Variants in ZNF277 observed in about 807,000 individuals in gnomAD.
ZNF277 encodes nuclear receptor-interacting factor 4.
In ZNF277, 55 loss-of-function variants were observed where a neutral mutation model predicts 60.7. The ratio of observed to expected loss-of-function variants is 0.91; its 90% CI spans 0.73 to 1.13. The LOEUF (loss-of-function observed/expected upper bound fraction) is 1.13, where lower values mean the gene tolerates loss of function less well. ZNF277 is among the 50% of genes most tolerant of loss of function. The pLI is 0.00. For synonymous variants in ZNF277, 178 were observed against 179.3 expected (o/e 0.99, Z 0.06); for missense variants, 510 against 523.0 (o/e 0.98, Z 0.24).
In ZNF277 at chr7:112,206,721, C is replaced by A. The variant is rs1407742164; in HGVS notation, c.5C>A (p.Ala2Asp). M[A>D]ASKTQGAVAR... ...CCTTTTCTTTTCTGCCGGGTAATGG[C>A]TGCTTCCAAGACCCAGGGGGCTGTC... is the stretch of plus-strand genomic sequence containing the variant. The change falls in exon 1 of 12, where the codon GCT (alanine) becomes GAT (aspartate). Residue 2 changes from alanine (A) to aspartate (D), a missense_variant. By Grantham distance (126) the Ala-to-Asp change is moderately radical. Coordinates refer to ENST00000361822, the MANE Select transcript of ZNF277 (RefSeq NM_021994.3). 2 of 1,613,338 alleles carry A rather than the reference C, an allele frequency of 1.2e-6. No individual in the cohort carries two copies. Among genetic ancestry groups the A allele is most frequent in the Non-Finnish European group, 1.7e-6 (2 of 1,179,734 alleles).
At chr7:112,234,319 A>G (rs1298133566) in intron 1 of ZNF277, among the ~76,000 whole-genome samples, 1 of 152,164 alleles carries the variant, frequency 6.6e-6, no homozygotes, top group African/African-American at 2.4e-5. Flanking sequence ...TTTATTTCTC[A>G]TGGTTCTGGG....
intron 5 of ZNF277, among the ~76,000 whole-genome samples, chr7:112,325,430 A>G (rs1793072004): frequency 1.3e-5 from 2 of 152,204 alleles, no homozygotes; most frequent in East Asian, 1.9e-4. Context: ...ACCTGGCTCA[A>G]TTTTGGCCCA....
At chr7:112,254,129 G>A (rs1018842063) in intron 1 of ZNF277, among the ~76,000 whole-genome samples, 1 of 152,178 alleles carries the variant, frequency 6.6e-6, no homozygotes, top group African/African-American at 2.4e-5. Context: ...TTTCTAAACT[G>A]TCTAACTAGC....
chr7:112,316,212 A>G (rs1792839708), intron 4 of ZNF277, among the ~76,000 whole-genome samples: 1 of 152,104 alleles, frequency 6.6e-6, no homozygotes, highest in African/African-American at 2.4e-5. Context: ...TAGAGTAGAG[A>G]GGTTAGATGT....
chr7:112,245,616 C>G (rs1370632458), intron 1 of ZNF277, among the ~76,000 whole-genome samples: 3 of 152,122 alleles, frequency 2.0e-5, no homozygotes, highest in African/African-American at 7.2e-5. Context: ...AAGTTCAATA[C>G]CCCTCTCCTA....
At chr7:112,231,624 T>G (rs1209089635) in intron 1 of ZNF277, among the ~76,000 whole-genome samples, 2 of 151,980 alleles carry the variant, frequency 1.3e-5, no homozygotes, top group Non-Finnish European at 2.9e-5. Context: ...TTTTTTTTTT[T>G]GGATAACTTT....
intron 1 of ZNF277, among the ~76,000 whole-genome samples, chr7:112,213,135 T>A (rs139852788): frequency 0.013 from 1,981 of 152,280 alleles, 47 homozygotes; most frequent in African/African-American, 0.046. Context: ...CTCATGATAG[T>A]GAATAAGTCT....
Position 112,282,300 on chromosome 7 carries a change from A to G in ZNF277, c.92-4573A>G, listed in dbSNP as rs115636810. ...GAGAACCTGGAGAAGGGCCTGGAAG[A>G]CAGAATAGTACAAATGCATCACATA... On this transcript the variant is annotated intron_variant, in intron 1 of 11. Transcript: ENST00000361822. Among the ~76,000 whole-genome samples the G allele has an allele frequency of 9.5e-3, 1,447 of 152,380 alleles. 19 individuals carry two copies. The highest frequency in any genetic ancestry group is 0.032 in the African/African-American group (1,346 of 41,586).
chr7:112,267,968 T>C (rs1791587463), intron 1 of ZNF277, among the ~76,000 whole-genome samples: 1 of 152,178 alleles, frequency 6.6e-6, no homozygotes, highest in Non-Finnish European at 1.5e-5. Context: ...TTGTTAACTC[T>C]GACCCAGTTA....
intron 1 of ZNF277, among the ~76,000 whole-genome samples, chr7:112,224,639 T>G (rs1489813846): frequency 6.6e-6 from 1 of 152,164 alleles, no homozygotes; most frequent in East Asian, 1.9e-4. Flanking sequence ...GGTGAGTTAT[T>G]GAGGACGGGG....
chr7:112,277,434 T>C (rs967887143), intron 1 of ZNF277, among the ~76,000 whole-genome samples: 1 of 152,164 alleles, frequency 6.6e-6, no homozygotes, highest in Non-Finnish European at 1.5e-5. Flanking sequence ...AAAATTAACA[T>C]ACACACAGTA....
intron 1 of ZNF277, among the ~76,000 whole-genome samples, chr7:112,236,103 T>C (rs944022722): frequency 1.3e-5 from 2 of 152,102 alleles, no homozygotes; most frequent in Non-Finnish European, 1.5e-5. Context: ...TATTGGTCTT[T>C]TCTGATGCTA....
chr7:112,234,033 T>C (rs1822415509), intron 1 of ZNF277, among the ~76,000 whole-genome samples: 1 of 152,148 alleles, frequency 6.6e-6, no homozygotes, highest in Non-Finnish European at 1.5e-5. Context: ...GTTTGAAATA[T>C]TTAATATCTT....
At chr7:112,225,762 C>T (rs1331610380) in intron 1 of ZNF277, among the ~76,000 whole-genome samples, 3 of 152,070 alleles carry the variant, frequency 2.0e-5, no homozygotes, top group Non-Finnish European at 4.4e-5. Flanking sequence ...TTCATGTTCT[C>T]TTGTTTTTTT....
At chr7:112,275,939 G>A (rs1472009888) in intron 1 of ZNF277, among the ~76,000 whole-genome samples, 1 of 152,190 alleles carries the variant, frequency 6.6e-6, no homozygotes, top group Admixed American at 6.5e-5. Context: ...CGGAAATGGG[G>A]CAGCAGTCAA....
intron 4 of ZNF277, among the ~76,000 whole-genome samples, chr7:112,311,985 C>T (rs564616751): frequency 1.3e-5 from 2 of 152,154 alleles, no homozygotes; most frequent in East Asian, 3.9e-4. Flanking sequence ...CTATTAACTA[C>T]TGGAGGTTTT....
rs987094212 is a variant in ZNF277, at chr7:112,330,393, T to C, written c.801+177T>C. 4.7e-6 allele frequency: 3 copies of C among 638,532 alleles called. No homozygotes were observed. In the African/African-American group the frequency reaches 5.5e-5, roughly 12 times the overall value. The allele number at this position is 638,532 out of a possible 1,614,324, so 39.6% of individuals were successfully genotyped here. A position where few individuals can be genotyped will look rare whatever the true frequency, so the allele number is the denominator to read the frequency against. On this transcript the variant is annotated intron_variant, in intron 7 of 11. Coordinates refer to ENST00000361822, the MANE Select transcript of ZNF277 (RefSeq NM_021994.3). ...AGAGTACAAGACATTTGATTTGACT[T>C]GTCTTTTATTTGACAGTGTTTATGT...
rs182783750 is a variant in ZNF277, at chr7:112,217,521, G to A, written c.91+10714G>A. On this transcript the variant is annotated intron_variant, in intron 1 of 11. Transcript: ENST00000361822. ...GCAGAAAAGTATTGTAGTGAGAGACGTCTGACCTAACCGACTCCATCTTGC... is the reference window on the plus strand; with the variant it reads ...GCAGAAAAGTATTGTAGTGAGAGACATCTGACCTAACCGACTCCATCTTGC... Among the ~76,000 whole-genome samples the A allele has an allele frequency of 9.8e-5, 15 of 152,308 alleles. No homozygotes were observed. The East Asian group carries it at 2.3e-3, about 23-fold the overall frequency.
At chr7:112,257,526 A>C (rs1791344388) in intron 1 of ZNF277, among the ~76,000 whole-genome samples, 1 of 152,240 alleles carries the variant, frequency 6.6e-6, no homozygotes, top group Non-Finnish European at 1.5e-5. Flanking sequence ...ATAGAAAATA[A>C]GATTAGATAA....
Sources: gnomAD v4.1 joint callset for allele counts (sites outside exome capture counted in the v4.1 genomes callset) on GRCh38, gnomAD v4.1.1 for gene constraint, MANE v1.5 for transcripts, NCBI Gene and HGNC (gene_info 2026-07-23, HGNC 2026-07-21) for gene names.